Variants in SAMMSON observed in about 807,000 individuals in gnomAD.
SAMMSON encodes the protein long intergenic non-protein coding RNA 1212.
At chr3:70,182,556 T>G (rs1701061712) in intron 4 of SAMMSON, among the ~76,000 whole-genome samples, 1 of 152,122 alleles carries the variant, frequency 6.6e-6, no homozygotes, top group African/African-American at 2.4e-5. Context: ...GAATTGTTGG[T>G]CTGTTCATTT....
intron 4 of SAMMSON, among the ~76,000 whole-genome samples, chr3:70,112,004 A>G (rs1306896002): frequency 6.6e-6 from 1 of 152,194 alleles, no homozygotes; most frequent in East Asian, 1.9e-4. Flanking sequence ...GAAGGAAAGA[A>G]TAGAATGAAT....
At chr3:70,156,039 A>G (rs998263513) in intron 4 of SAMMSON, among the ~76,000 whole-genome samples, 2 of 152,028 alleles carry the variant, frequency 1.3e-5, no homozygotes. Flanking sequence ...TCAAAGCTTT[A>G]TGTGTTGGAG....
At position 70,090,779 on chromosome 3, in the gene SAMMSON, TAA is replaced by T. The variant is rs78510916; in HGVS notation, n.507+19227_507+19228del. Among the ~76,000 whole-genome samples the T allele has an allele frequency of 7.0e-3, 990 of 141,942 alleles. 5 individuals are homozygous for T. Among genetic ancestry groups the T allele is most frequent in the South Asian group, 0.011 (48 of 4,564 alleles). 93.1% of individuals were successfully genotyped at this position (141,942 alleles called of 152,430 possible). ...ATGTCAAATTGCTTTAAATTAAACT[TAA>T]AAAAAAAAAAAACCATTGGCTGATA... On this transcript the variant is annotated intron_variant and non_coding_transcript_variant, in intron 4 of 9. Coordinates refer to ENST00000642114, the Ensembl canonical transcript of SAMMSON.
chr3:70,069,518 T>C (rs2067222278), intron 3 of SAMMSON: 1 of 152,144 alleles, frequency 6.6e-6, no homozygotes, highest in Admixed American at 6.6e-5. Flanking sequence ...TCAATGATTC[T>C]CTTTTACAGG....
chr3:70,427,573 A>G lies in SAMMSON; in HGVS notation n.234-34987A>G, dbSNP rs570507541. On this transcript the variant is annotated intron_variant and non_coding_transcript_variant, in intron 2 of 3. Transcript: ENST00000641053. ...GCTGACACGGTGAAACCCCGTCTCTACTAAAAATACAAAAATTAGCCGGGC... is the reference window on the plus strand; with the variant it reads ...GCTGACACGGTGAAACCCCGTCTCTGCTAAAAATACAAAAATTAGCCGGGC... Among the ~76,000 whole-genome samples, 1,027 of 152,096 alleles carry G rather than the reference A, an allele frequency of 6.8e-3. 14 individuals carry two copies. The highest frequency in any genetic ancestry group is 6.6e-3 in the Non-Finnish European group (451 of 67,980).
chr3:70,349,382 A>T (rs1373780804), intron 7 of SAMMSON, among the ~76,000 whole-genome samples: 1 of 152,126 alleles, frequency 6.6e-6, no homozygotes, highest in African/African-American at 2.4e-5. Flanking sequence ...TTAAAAAAAA[A>T]ATAAAATAAT....
At chr3:70,105,605 A>G (rs879404344) in intron 4 of SAMMSON, among the ~76,000 whole-genome samples, 6 of 152,206 alleles carry the variant, frequency 3.9e-5, no homozygotes, top group Admixed American at 3.3e-4. Flanking sequence ...TTCCTTATGC[A>G]TGAGGCATTT....
intron 4 of SAMMSON, among the ~76,000 whole-genome samples, chr3:70,245,686 T>TA (rs1701700258): frequency 7.7e-6 from 1 of 130,556 alleles, no homozygotes; most frequent in Non-Finnish European, 1.7e-5. Context: ...TATATATATA[T>TA]ATATATATAT....
intron 6 of SAMMSON, among the ~76,000 whole-genome samples, chr3:70,274,854 A>G (rs1233971614): frequency 2.0e-5 from 3 of 152,226 alleles, no homozygotes; most frequent in Non-Finnish European, 4.4e-5. Context: ...ATGTAACTAA[A>G]ACCCAAATGT....
At chr3:70,119,490 G>A (rs1446476316) in intron 4 of SAMMSON, among the ~76,000 whole-genome samples, 1 of 152,122 alleles carries the variant, frequency 6.6e-6, no homozygotes, top group Non-Finnish European at 1.5e-5. Flanking sequence ...AATATATAAT[G>A]GCACAGAGGA....
At chr3:70,265,890 T>G (rs1032995770) in intron 6 of SAMMSON, among the ~76,000 whole-genome samples, 3 of 152,178 alleles carry the variant, frequency 2.0e-5, no homozygotes, top group African/African-American at 7.2e-5. Flanking sequence ...ACTCACTCCC[T>G]GTCACGAGAA....
At chr3:70,041,779 A>G (rs2067107249) in intron 3 of SAMMSON, among the ~76,000 whole-genome samples, 2 of 152,128 alleles carry the variant, frequency 1.3e-5, no homozygotes, top group Admixed American at 6.6e-5. Flanking sequence ...TGCAGAAGTT[A>G]TATGCAGATT....
intron 7 of SAMMSON, among the ~76,000 whole-genome samples, chr3:70,344,156 A>G (rs1470229227): frequency 6.6e-6 from 1 of 152,042 alleles, no homozygotes; most frequent in Non-Finnish European, 1.5e-5. Context: ...TGTGGCCCTA[A>G]ATAAGAACAG....
intron 1 of SAMMSON, among the ~76,000 whole-genome samples, chr3:70,008,060 A>G (rs1418464829): frequency 2.0e-5 from 3 of 152,102 alleles, no homozygotes; most frequent in African/African-American, 7.2e-5. Context: ...CTTGTAGTGT[A>G]GTTTGAAGTC....
intron 6 of SAMMSON, among the ~76,000 whole-genome samples, chr3:70,273,950 C>T (rs1701997741): frequency 1.3e-5 from 2 of 152,014 alleles, no homozygotes; most frequent in South Asian, 4.2e-4. Context: ...GCACACAGCA[C>T]TGCACCCGGC....
At chr3:70,384,395 A>G (rs1703103406) in intron 9 of SAMMSON, among the ~76,000 whole-genome samples, 1 of 152,004 alleles carries the variant, frequency 6.6e-6, no homozygotes, top group Admixed American at 6.6e-5. Flanking sequence ...AATATAGAAC[A>G]CTTTAGTTCT....
intron 6 of SAMMSON, among the ~76,000 whole-genome samples, chr3:70,281,457 G>A (rs774650916): frequency 4.6e-5 from 7 of 152,110 alleles, no homozygotes; most frequent in Non-Finnish European, 7.4e-5. Flanking sequence ...ATCGTGAACA[G>A]GCCACTTAGT....
chr3:70,215,624 T>G (rs1701401152), intron 4 of SAMMSON, among the ~76,000 whole-genome samples: 1 of 152,132 alleles, frequency 6.6e-6, no homozygotes, highest in African/African-American at 2.4e-5. Context: ...TTGATATCCT[T>G]ACTAGATCCC....
intron 4 of SAMMSON, among the ~76,000 whole-genome samples, chr3:70,101,694 G>A (rs1052157510): frequency 2.0e-5 from 3 of 152,062 alleles, no homozygotes; most frequent in Non-Finnish European, 4.4e-5. Context: ...CCTCTTGCAA[G>A]CATATTTATA....
Sources: gnomAD v4.1 joint callset for allele counts (sites outside exome capture counted in the v4.1 genomes callset) on GRCh38, gnomAD v4.1.1 for gene constraint, MANE v1.5 for transcripts, NCBI Gene and HGNC (gene_info 2026-07-23, HGNC 2026-07-21) for gene names.